Variants in RORA observed in about 807,000 individuals in gnomAD.
The protein encoded by RORA is nuclear receptor ROR-alpha.
A neutral mutation model predicts 69.5 loss-of-function variants in RORA; 7 were observed. The observed-to-expected ratio is 0.10, with a 90% CI of 0.06 to 0.19. The LOEUF (loss-of-function observed/expected upper bound fraction) is 0.19, where lower values mean the gene tolerates loss of function less well. RORA is among the 10% of genes least tolerant of loss of function. The pLI, the probability that RORA is intolerant of heterozygous loss-of-function variation, is 1.00. For synonymous variants in RORA, 261 were observed against 240.8 expected (o/e 1.08, Z -0.78); for missense variants, 457 against 663.0 (o/e 0.69, Z 3.41).
chr15:60,592,969 G>C, intron 2 of RORA: 1 of 454,806 alleles, frequency 2.2e-6, no homozygotes, highest in Non-Finnish European at 4.4e-6. Context: ...CTCGTTGGTG[G>C]AAAAGACAGG....
intron 2 of RORA, among the ~76,000 whole-genome samples, chr15:60,629,549 C>A (rs1358088518): frequency 6.6e-6 from 1 of 152,152 alleles, no homozygotes; most frequent in African/African-American, 2.4e-5. Flanking sequence ...TTAGCTGAGA[C>A]TGAGAAGGCA....
intron 1 of RORA, among the ~76,000 whole-genome samples, chr15:60,898,541 A>AAATAAATC (rs1891296603): frequency 7.1e-6 from 1 of 141,398 alleles, no homozygotes; most frequent in Non-Finnish European, 1.5e-5. Flanking sequence ...ATAAATAAAT[A>AAATAAATC]AATTTAAATT....
intron 2 of RORA, among the ~76,000 whole-genome samples, chr15:60,533,266 T>C (rs1245979242): frequency 6.6e-6 from 1 of 152,248 alleles, no homozygotes; most frequent in African/African-American, 2.4e-5. Context: ...GTTTCTTTGC[T>C]GTCCAAATTT....
chr15:60,501,201 A>T lies in RORA; in HGVS notation c.1184-132T>A. 5 of 621,214 alleles carry T rather than the reference A, an allele frequency of 8.0e-6. No individual in the cohort carries two copies. The South Asian group carries it at 8.3e-5, about 10-fold the overall frequency. The allele number at this position is 621,214 out of a possible 1,614,324, so 38.5% of individuals were successfully genotyped here. A position where few individuals can be genotyped will look rare whatever the true frequency, so the allele number is the denominator to read the frequency against. Reference sequence around the variant, plus strand: ...TAGGAGAAAAACATGGGGAAGGTGAAGAGAGATCTAGTGGTTGAAGATCAG... The same window carrying T: ...TAGGAGAAAAACATGGGGAAGGTGATGAGAGATCTAGTGGTTGAAGATCAG... On this transcript the variant is annotated intron_variant, in intron 8 of 10. Transcript: ENST00000335670.
At chr15:60,547,875 G>A (rs1363805468) in intron 2 of RORA, 3 of 152,058 alleles carry the variant, frequency 2.0e-5, no homozygotes, top group Non-Finnish European at 2.9e-5. Flanking sequence ...GCTTTGAAGG[G>A]GCAATGTTCA....
At position 60,592,439 on chromosome 15, in the gene RORA, G is replaced by T. The variant is rs535587792; in HGVS notation, c.197-60588C>A. The T allele has an allele frequency of 3.2e-5, 46 of 1,419,036 alleles. No homozygotes were observed. The African/African-American group carries it at 6.7e-4, about 21-fold the overall frequency. 87.9% of individuals were successfully genotyped at this position (1,419,036 alleles called of 1,614,324 possible). On this transcript the variant is annotated intron_variant, in intron 2 of 10. Coordinates refer to ENST00000335670, the MANE Select transcript of RORA (RefSeq NM_134261.3). ...TCATTTAAGCCGCGGTGCGGAGAGCGCAGGGAGAGCGGATGGTCCGACCCC... is the reference window on the plus strand; with the variant it reads ...TCATTTAAGCCGCGGTGCGGAGAGCTCAGGGAGAGCGGATGGTCCGACCCC...
intron 1 of RORA, among the ~76,000 whole-genome samples, chr15:60,948,953 A>G (rs1443456730): frequency 6.6e-6 from 1 of 152,224 alleles, no homozygotes; most frequent in African/African-American, 2.4e-5. Context: ...GGAGAGATAT[A>G]AGGATCTGAA....
intron 1 of RORA, among the ~76,000 whole-genome samples, chr15:61,052,992 T>A (rs1033658908): frequency 2.6e-5 from 4 of 152,212 alleles, no homozygotes; most frequent in African/African-American, 9.7e-5. Context: ...TAAAGTATCC[T>A]AAGGGGAAAA....
intron 2 of RORA, among the ~76,000 whole-genome samples, chr15:60,617,140 C>T (rs2069265819): frequency 6.6e-6 from 1 of 152,186 alleles, no homozygotes; most frequent in Non-Finnish European, 1.5e-5. Context: ...GTATTCTTTA[C>T]TAGTGAGTAC....
intron 1 of RORA, among the ~76,000 whole-genome samples, chr15:61,137,666 T>C (rs2140858004): frequency 6.6e-6 from 1 of 152,336 alleles, no homozygotes; most frequent in South Asian, 2.1e-4. Context: ...CTAAAGTGCA[T>C]TTAGCATTTT....
At chr15:61,170,362 C>T (rs766068864) in intron 1 of RORA, among the ~76,000 whole-genome samples, 4 of 152,190 alleles carry the variant, frequency 2.6e-5, no homozygotes, top group African/African-American at 4.8e-5. Context: ...AGCAGTGTAG[C>T]GTCTTCAAAT....
chr15:60,667,532 G>A (rs938084093), intron 2 of RORA, among the ~76,000 whole-genome samples: 1 of 152,148 alleles, frequency 6.6e-6, no homozygotes, highest in African/African-American at 2.4e-5. Context: ...ATAAAAAACC[G>A]ATTTTTCTCC....
chr15:61,095,421 C>T (rs548208251), intron 1 of RORA, among the ~76,000 whole-genome samples: 71 of 152,174 alleles, frequency 4.7e-4, no homozygotes, highest in Non-Finnish European at 9.3e-4. Flanking sequence ...ATAATATGTA[C>T]TAATAATTGT....
intron 1 of RORA, among the ~76,000 whole-genome samples, chr15:60,994,430 C>T (rs764626704): frequency 9.9e-5 from 15 of 152,236 alleles, no homozygotes; most frequent in Non-Finnish European, 1.5e-4. Flanking sequence ...ACCAGACCTA[C>T]ATCTCCATTC....
chr15:61,111,515 T>C (rs2079006189), intron 1 of RORA, among the ~76,000 whole-genome samples: 1 of 152,242 alleles, frequency 6.6e-6, no homozygotes, highest in Admixed American at 6.5e-5. Context: ...CAAGTTTATA[T>C]ACATATAAGT....
At chr15:61,099,032 C>T (rs2078839980) in intron 1 of RORA, among the ~76,000 whole-genome samples, 1 of 152,192 alleles carries the variant, frequency 6.6e-6, no homozygotes, top group Admixed American at 6.5e-5. Flanking sequence ...GAAAAGTCAT[C>T]ATCAGACAGA....
intron 1 of RORA, among the ~76,000 whole-genome samples, chr15:60,777,822 C>T (rs947539165): frequency 6.6e-6 from 1 of 152,108 alleles, no homozygotes; most frequent in Non-Finnish European, 1.5e-5. Context: ...AGTCGAGGAG[C>T]GTATTGAACT....
intron 1 of RORA, among the ~76,000 whole-genome samples, chr15:61,185,775 T>A (rs1467087464): frequency 6.6e-6 from 1 of 152,148 alleles, no homozygotes; most frequent in East Asian, 1.9e-4. Flanking sequence ...CCTAATCTCA[T>A]CTCTTCCCCA....
At chr15:60,505,727 T>C in intron 5 of RORA, 98 bp from the exon 6 acceptor site, 1 of 1,387,888 alleles carries the variant, frequency 7.2e-7, no homozygotes, top group South Asian at 1.2e-5. Flanking sequence ...TAGAAAACAA[T>C]GTGCTGTGCG....
Sources: allele counts gnomAD v4.1 joint callset (sites outside exome capture counted in the v4.1 genomes callset), GRCh38; gene constraint gnomAD v4.1.1; transcripts MANE v1.5; gene names NCBI Gene and HGNC (gene_info 2026-07-23, HGNC 2026-07-21).